The following PITPNC1 variants were observed in gnomAD, a reference collection of about 807,000 sequenced individuals.
PITPNC1 encodes the protein cytoplasmic phosphatidylinositol transfer protein 1.
PITPNC1 carries 18 observed loss-of-function variants against 44.7 expected under a neutral mutation model. That is an observed-to-expected ratio of 0.40 (90% CI 0.28 to 0.60). The LOEUF is 0.60. PITPNC1 is among the 20% of genes least tolerant of loss of function. PITPNC1 has a pLI of 0.39. For synonymous variants in PITPNC1, 141 were observed against 149.6 expected, an observed-to-expected ratio of 0.94 and a Z score of 0.42; for missense variants, 290 against 418.4, an observed-to-expected ratio of 0.69 and a Z score of 2.68.
chr17:67,681,397 G>A (rs766555041), intron 8 of PITPNC1, among the ~76,000 whole-genome samples: 16 of 151,800 alleles, frequency 1.1e-4, no homozygotes, highest in African/African-American at 2.7e-4. Flanking sequence ...AGAATCACTC[G>A]AGCTGAGGAG....
At chr17:67,668,730 C>T (rs952439111) in intron 6 of PITPNC1, among the ~76,000 whole-genome samples, 3 of 151,888 alleles carry the variant, frequency 2.0e-5, no homozygotes, top group Non-Finnish European at 2.9e-5. Context: ...GGCGTGGTGG[C>T]GGGCACCTGT....
Position 67,425,217 on chromosome 17 carries a change from A to AGGG in PITPNC1, c.48+47015_48+47016insGGG, listed in dbSNP as rs1567984809. Among the ~76,000 whole-genome samples, 64 of 59,616 alleles carry AGGG rather than the reference A, an allele frequency of 1.1e-3. 2 individuals are homozygous for AGGG. Among genetic ancestry groups the AGGG allele is most frequent in the Non-Finnish European group, 1.9e-3 (54 of 28,308 alleles). 39.1% of individuals were successfully genotyped at this position (59,616 alleles called of 152,430 possible). On this transcript the variant is annotated intron_variant, in intron 1 of 8. Transcript: ENST00000581322. The stretch of plus-strand genomic sequence containing the variant: ...CGCACGCACACGCACACACACACAC[A>AGGG]CACACACACACACACACACACACAC...
intron 1 of PITPNC1, among the ~76,000 whole-genome samples, chr17:67,490,902 ATACT>A (rs889124704): frequency 2.0e-5 from 3 of 152,182 alleles, no homozygotes; most frequent in African/African-American, 4.8e-5. Flanking sequence ...TTCAAACTTT[ATACT>A]TACTTCTCTC....
chr17:67,546,453 C>G (rs1356405245), intron 2 of PITPNC1, among the ~76,000 whole-genome samples: 1 of 152,132 alleles, frequency 6.6e-6, no homozygotes, highest in Admixed American at 6.5e-5. Context: ...TACCGGGCCC[C>G]TCTTCCCTGT....
chr17:67,418,042 A>G (rs2038612844), intron 1 of PITPNC1, among the ~76,000 whole-genome samples: 1 of 152,164 alleles, frequency 6.6e-6, no homozygotes, highest in Non-Finnish European at 1.5e-5. Context: ...CCTGTCTGGA[A>G]GAAAAAAAGT....
intron 5 of PITPNC1, among the ~76,000 whole-genome samples, chr17:67,627,020 G>A (rs1179854241): frequency 3.3e-5 from 5 of 151,172 alleles, no homozygotes; most frequent in African/African-American, 1.2e-4. Flanking sequence ...CACTTTGGGA[G>A]GCCAAGATGG....
At chr17:67,423,841 T>A (rs2038704029) in intron 1 of PITPNC1, among the ~76,000 whole-genome samples, 1 of 152,148 alleles carries the variant, frequency 6.6e-6, no homozygotes, top group Non-Finnish European at 1.5e-5. Context: ...AGAGTTGCAA[T>A]GCTCCCTCTT....
At chr17:67,692,199 A>AT (rs2042939505) in intron 8 of PITPNC1, among the ~76,000 whole-genome samples, 1 of 151,960 alleles carries the variant, frequency 6.6e-6, no homozygotes, top group Non-Finnish European at 1.5e-5. Flanking sequence ...AGCTCCAAAT[A>AT]CCCCACACCA....
At chr17:67,633,805 G>A (rs1226476049) in intron 6 of PITPNC1, among the ~76,000 whole-genome samples, 1 of 152,234 alleles carries the variant, frequency 6.6e-6, no homozygotes, top group Non-Finnish European at 1.5e-5. Context: ...GGCCCCCCCG[G>A]GCTGCTGTCC....
At chr17:67,690,941 A>G (rs2042915102) in intron 8 of PITPNC1, among the ~76,000 whole-genome samples, 1 of 152,038 alleles carries the variant, frequency 6.6e-6, no homozygotes, top group Non-Finnish European at 1.5e-5. Context: ...TGTCTCTGCT[A>G]AAAGTACAAA....
At chr17:67,617,081 A>G (rs1598891697) in intron 5 of PITPNC1, among the ~76,000 whole-genome samples, 1 of 152,212 alleles carries the variant, frequency 6.6e-6, no homozygotes, top group East Asian at 1.9e-4. Context: ...ACATTTAATA[A>G]CAGAGAACCA....
At chr17:67,513,477 A>ATG (rs10653914) in intron 1 of PITPNC1, among the ~76,000 whole-genome samples, 50,323 of 131,446 alleles carry the variant, frequency 0.38, 9,462 homozygotes, top group East Asian at 0.54. Context: ...TTTTTACTAT[A>ATG]TGTGTGTGTG....
At chr17:67,421,399 C>G (rs1401838532) in intron 1 of PITPNC1, among the ~76,000 whole-genome samples, 1 of 152,078 alleles carries the variant, frequency 6.6e-6, no homozygotes, top group Non-Finnish European at 1.5e-5. Context: ...TCTCCTGCCT[C>G]AGCCTCCTGA....
Position 67,475,099 on chromosome 17 carries a change from G to C in PITPNC1, c.49-57703G>C, listed in dbSNP as rs76768717. 1.7e-3 allele frequency among the ~76,000 whole-genome samples: 259 copies of C among 152,284 alleles called. 1 individual carries two copies. The highest frequency in any genetic ancestry group is 3.1e-3 in the Non-Finnish European group (211 of 68,014). Reference sequence around the variant, plus strand: ...AGGGCCCTGCTTTCTTGGGAATAGCGGATGGTCCTTTCAGCACACAGCACA... The same window carrying C: ...AGGGCCCTGCTTTCTTGGGAATAGCCGATGGTCCTTTCAGCACACAGCACA... On this transcript the variant is annotated intron_variant, in intron 1 of 8. Coordinates refer to ENST00000581322, the MANE Select transcript of PITPNC1 (RefSeq NM_012417.4).
chr17:67,593,427 T>G (rs1010676088), intron 5 of PITPNC1, among the ~76,000 whole-genome samples: 1 of 151,996 alleles, frequency 6.6e-6, no homozygotes, highest in Non-Finnish European at 1.5e-5. Flanking sequence ...TTAGATGGAG[T>G]CACCCTTTGT....
intron 6 of PITPNC1, among the ~76,000 whole-genome samples, chr17:67,649,780 G>C (rs572207724): frequency 2.4e-3 from 363 of 151,922 alleles, no homozygotes; most frequent in Admixed American, 4.0e-3. Flanking sequence ...CCTTCCTCAG[G>C]CTCAATAATT....
intron 8 of PITPNC1, 81 bp from the exon 9 acceptor site, chr17:67,692,491 G>T: frequency 1.0e-6 from 1 of 985,782 alleles, no homozygotes; most frequent in Non-Finnish European, 1.6e-6. Context: ...CATAGTTCCT[G>T]TAAAAACAAG....
At chr17:67,631,345 T>A (rs185201492) in intron 5 of PITPNC1, among the ~76,000 whole-genome samples, 1 of 150,368 alleles carries the variant, frequency 6.7e-6, no homozygotes, top group African/African-American at 2.4e-5. Flanking sequence ...TATAAAAATA[T>A]ATGGCCGGGC....
intron 1 of PITPNC1, among the ~76,000 whole-genome samples, chr17:67,509,616 G>T (rs2040155201): frequency 6.6e-6 from 1 of 151,372 alleles, no homozygotes; most frequent in Non-Finnish European, 1.5e-5. Flanking sequence ...TGTTCAACCG[G>T]GTTTGACTTA....
Sources: allele counts gnomAD v4.1 joint callset (sites outside exome capture counted in the v4.1 genomes callset), GRCh38; gene constraint gnomAD v4.1.1; transcripts MANE v1.5; gene names NCBI Gene and HGNC (gene_info 2026-07-23, HGNC 2026-07-21).